Variants in PDE4D observed in about 807,000 individuals in gnomAD.
PDE4D encodes phosphodiesterase 4D.
PDE4D carries 24 observed loss-of-function variants against 87.4 expected under a neutral mutation model. That is an observed-to-expected ratio of 0.27 (90% confidence interval 0.20 to 0.39). The LOEUF (loss-of-function observed/expected upper bound fraction) is 0.39, where lower values mean the gene tolerates loss of function less well. PDE4D is among the 10% of genes least tolerant of loss of function. The pLI is 1.00. For synonymous variants in PDE4D, 384 were observed against 383.2 expected, an observed-to-expected ratio of 1.00 and a Z score of -0.02; for missense variants, 714 against 1,041.0, an observed-to-expected ratio of 0.69 and a Z score of 4.32.
At chr5:60,055,427 T>C (rs1007289125) in intron 2 of PDE4D, among the ~76,000 whole-genome samples, 4 of 152,112 alleles carry the variant, frequency 2.6e-5, no homozygotes, top group Admixed American at 6.6e-5. Flanking sequence ...ATAAGTAAGT[T>C]ATAAAATTTG....
At chr5:59,664,567 C>A (rs562671110) in intron 1 of PDE4D, among the ~76,000 whole-genome samples, 30 of 152,272 alleles carry the variant, frequency 2.0e-4, no homozygotes, top group African/African-American at 6.5e-4. Context: ...ATCCCAGACT[C>A]ATTCCTGCCA....
At chr5:59,971,871 T>C (rs897957249) in intron 3 of PDE4D, among the ~76,000 whole-genome samples, 6 of 152,140 alleles carry the variant, frequency 3.9e-5, no homozygotes, top group African/African-American at 1.4e-4. Context: ...TGGATTGACA[T>C]AAGCAGGAAA....
At chr5:59,965,292 C>T (rs1759917918) in intron 3 of PDE4D, among the ~76,000 whole-genome samples, 2 of 152,176 alleles carry the variant, frequency 1.3e-5, no homozygotes, top group Admixed American at 6.6e-5. Flanking sequence ...CTCACATTGT[C>T]CTTCACCTAT....
chr5:59,236,009 A>T (rs975607005), intron 1 of PDE4D, among the ~76,000 whole-genome samples: 4 of 152,112 alleles, frequency 2.6e-5, no homozygotes, highest in African/African-American at 9.7e-5. Context: ...CTTTTGTATT[A>T]TTTATTGATT....
At chr5:60,362,971 C>T (rs10514894) in intron 1 of PDE4D, among the ~76,000 whole-genome samples, 13,789 of 152,102 alleles carry the variant, frequency 0.091, 1,102 homozygotes, top group African/African-American at 0.22. Flanking sequence ...ATATGAGTAA[C>T]CACAGAGTTT....
chr5:59,891,928 T>C (rs551727757), intron 1 of PDE4D, among the ~76,000 whole-genome samples: 6 of 152,316 alleles, frequency 3.9e-5, no homozygotes, highest in African/African-American at 1.4e-4. Flanking sequence ...AGACCTGATT[T>C]ACAATTTATA....
intron 1 of PDE4D, among the ~76,000 whole-genome samples, chr5:59,448,347 C>T (rs971731107): frequency 1.8e-4 from 27 of 152,128 alleles, no homozygotes; most frequent in African/African-American, 6.5e-4. Flanking sequence ...ATTTCCCTGG[C>T]TCTGGGGTCT....
At chr5:60,299,970 G>A (rs536383889) in intron 1 of PDE4D, among the ~76,000 whole-genome samples, 4 of 152,106 alleles carry the variant, frequency 2.6e-5, no homozygotes, top group African/African-American at 4.8e-5. Context: ...TTGAGGAATC[G>A]CCACACTGTC....
At chr5:59,438,280 T>A (rs1797077033) in intron 1 of PDE4D, among the ~76,000 whole-genome samples, 1 of 152,170 alleles carries the variant, frequency 6.6e-6, no homozygotes, top group Non-Finnish European at 1.5e-5. Flanking sequence ...CAAGCTTAAT[T>A]CAGCTTGCAC....
intron 2 of PDE4D, among the ~76,000 whole-genome samples, chr5:60,027,130 G>T (rs1213323010): frequency 1.3e-5 from 2 of 151,934 alleles, no homozygotes; most frequent in Admixed American, 1.3e-4. Flanking sequence ...ACATGGATAT[G>T]TTGCATGATG....
intron 1 of PDE4D, among the ~76,000 whole-genome samples, chr5:59,303,662 T>C (rs1581852546): frequency 1.3e-5 from 2 of 152,108 alleles, no homozygotes; most frequent in South Asian, 4.1e-4. Context: ...TTCCCCACTT[T>C]ATGTTTTTGT....
intron 1 of PDE4D, among the ~76,000 whole-genome samples, chr5:59,716,037 C>T (rs1239372410): frequency 2.6e-5 from 4 of 152,168 alleles, no homozygotes; most frequent in Non-Finnish European, 5.9e-5. Context: ...TGTCTTAGAC[C>T]TGTGTGTCCA....
intron 1 of PDE4D, among the ~76,000 whole-genome samples, chr5:59,609,270 C>G (rs1273705266): frequency 6.6e-6 from 1 of 151,862 alleles, no homozygotes; most frequent in Non-Finnish European, 1.5e-5. Flanking sequence ...AGGCACATGG[C>G]AAGATTGCAC....
chr5:60,342,840 G>T (rs1758421586), intron 1 of PDE4D, among the ~76,000 whole-genome samples: 1 of 152,110 alleles, frequency 6.6e-6, no homozygotes, highest in African/African-American at 2.4e-5. Flanking sequence ...CAATTTAAGA[G>T]GGCACTTTGG....
chr5:60,421,790 T>C (rs2150089197), intron 1 of PDE4D, among the ~76,000 whole-genome samples: 1 of 152,204 alleles, frequency 6.6e-6, no homozygotes, highest in Middle Eastern at 3.4e-3. Context: ...AAGCTGAAAA[T>C]CTTTAAAAAA....
chr5:59,645,174 C>T (rs191194910), intron 1 of PDE4D, among the ~76,000 whole-genome samples: 51 of 152,288 alleles, frequency 3.3e-4, no homozygotes, highest in African/African-American at 1.2e-3. Context: ...TTCTGTGTTT[C>T]CTTAGGCAAA....
chr5:59,076,401 A>G (rs1030816412), intron 5 of PDE4D, among the ~76,000 whole-genome samples: 6 of 152,166 alleles, frequency 3.9e-5, no homozygotes, highest in Non-Finnish European at 7.4e-5. Flanking sequence ...CTATATAATC[A>G]CAGAAAATAC....
intron 1 of PDE4D, among the ~76,000 whole-genome samples, chr5:59,473,597 T>C (rs1053585978): frequency 6.6e-5 from 10 of 152,100 alleles, no homozygotes; most frequent in Admixed American, 2.0e-4. Flanking sequence ...CCTTATAGTG[T>C]CTCTACTTCA....
At chr5:59,832,402 C>G (rs908148354) in intron 1 of PDE4D, among the ~76,000 whole-genome samples, 4 of 152,002 alleles carry the variant, frequency 2.6e-5, no homozygotes, top group African/African-American at 9.7e-5. Context: ...GAGTCGTGAT[C>G]AAAATGCTCT....
Sources: allele counts gnomAD v4.1 joint callset (sites outside exome capture counted in the v4.1 genomes callset), GRCh38; gene constraint gnomAD v4.1.1; transcripts MANE v1.5; gene names NCBI Gene and HGNC (gene_info 2026-07-23, HGNC 2026-07-21).